Variants in USP13 observed in about 807,000 individuals in gnomAD.
USP13 encodes ubiquitin specific peptidase 13, also known as ubiquitin carboxyl-terminal hydrolase 13.
A neutral mutation model predicts 107.8 loss-of-function variants in USP13; 68 were observed. The ratio of observed to expected loss-of-function variants is 0.63; its 90% CI spans 0.52 to 0.77. The LOEUF (loss-of-function observed/expected upper bound fraction) is 0.77. Among genes scored for constraint, USP13 ranks in the 30% least tolerant of loss-of-function variants. The pLI, the probability that USP13 is intolerant of heterozygous loss-of-function variation, is 0.00. For synonymous variants in USP13, 377 were observed against 389.5 expected (o/e 0.97, Z 0.38); for missense variants, 945 against 1,093.3 (o/e 0.86, Z 1.91).
At chr3:179,735,287 A>AT (rs1713957197) in intron 10 of USP13, among the ~76,000 whole-genome samples, 1 of 152,220 alleles carries the variant, frequency 6.6e-6, no homozygotes, top group Admixed American at 6.5e-5. Flanking sequence ...TGTTGGGCCC[A>AT]TAGGGGACAC....
At chr3:179,656,282 A>AATCTG (rs753228768) in intron 1 of USP13, among the ~76,000 whole-genome samples, 20 of 152,236 alleles carry the variant, frequency 1.3e-4, no homozygotes, top group Non-Finnish European at 2.6e-4. Flanking sequence ...GGGGGCCTTG[A>AATCTG]ATCTGGAAAA....
rs372472325 is a variant in USP13 at position 179,684,110 on chromosome 3, G to T, written c.294+2107G>T. On this transcript the variant is annotated intron_variant, in intron 2 of 20. Transcript: ENST00000263966. ...TGAGTAGCTGGGACTACAGGTGCGCGCCACCATGCCCGGCTAACTTTTGTA... is the reference window on the plus strand; with the variant it reads ...TGAGTAGCTGGGACTACAGGTGCGCTCCACCATGCCCGGCTAACTTTTGTA... Among the ~76,000 whole-genome samples the T allele has an allele frequency of 1.4e-4, 22 of 151,768 alleles. No individual in the cohort carries two copies. The South Asian group carries it at 1.7e-3, about 11-fold the overall frequency.
intron 10 of USP13, among the ~76,000 whole-genome samples, chr3:179,733,633 A>G (rs1353371083): frequency 6.6e-6 from 1 of 152,226 alleles, no homozygotes; most frequent in African/African-American, 2.4e-5. Context: ...AGAGAGGGAA[A>G]GAAGATTCAC....
chr3:179,682,515 A>G (rs1711698515), intron 2 of USP13, among the ~76,000 whole-genome samples: 1 of 152,228 alleles, frequency 6.6e-6, no homozygotes, highest in Admixed American at 6.5e-5. Context: ...AATATATAGT[A>G]TAACTTTATA....
Position 179,708,802 on chromosome 3 carries a change from G to C in USP13, c.650G>C (p.Arg217Pro). 1.2e-6 allele frequency: 2 copies of C among 1,614,168 alleles called. No individual in the cohort carries two copies. The highest frequency in any genetic ancestry group is 1.7e-4 in the Middle Eastern group (1 of 6,060). Reference sequence around the variant, plus strand: ...TGGAAGTGTGCCAGATGCGACCTGCGAGAAAACCTCTGGTTGAATCTGACT... The same window carrying C: ...TGGAAGTGTGCCAGATGCGACCTGCCAGAAAACCTCTGGTTGAATCTGACT... ...SGWKCARCDL[R>P]ENLWLNLTDG... is the part of the protein sequence containing the mutation. Residue 217 changes from arginine to proline, a missense_variant, in exon 6 of 21, where the codon CGA (arginine) becomes CCA (proline). By Grantham distance (103) the Arg-to-Pro change is moderately radical. Transcript: ENST00000263966.
At chr3:179,755,089 T>G (rs527798699) in intron 15 of USP13, among the ~76,000 whole-genome samples, 2 of 152,248 alleles carry the variant, frequency 1.3e-5, no homozygotes, top group South Asian at 4.2e-4. Context: ...GGACAGTTTT[T>G]TTTTGTAGGC....
chr3:179,783,567 G>A (rs1057093988), intron 20 of USP13, among the ~76,000 whole-genome samples: 4 of 152,120 alleles, frequency 2.6e-5, no homozygotes, highest in African/African-American at 7.2e-5. Context: ...ACTGAAATAA[G>A]CATTGTTGTA....
At chr3:179,749,991 G>A (rs957150607) in intron 13 of USP13, among the ~76,000 whole-genome samples, 25 of 152,130 alleles carry the variant, frequency 1.6e-4, no homozygotes, top group African/African-American at 5.8e-4. Flanking sequence ...ATGGCCGGGT[G>A]CCGTGGCTCA....
intron 2 of USP13, among the ~76,000 whole-genome samples, chr3:179,688,234 C>CATCCATCCATCCATCT (rs780480797): frequency 0.13 from 19,126 of 145,596 alleles, 1,488 homozygotes; most frequent in African/African-American, 0.16. Flanking sequence ...TCCATCCATC[C>CATCCATCCATCCATCT]ATCCAACAAA....
At chr3:179,682,917 T>C (rs563241722) in intron 2 of USP13, among the ~76,000 whole-genome samples, 5 of 152,192 alleles carry the variant, frequency 3.3e-5, no homozygotes, top group African/African-American at 4.8e-5. Flanking sequence ...ATTGTACCTA[T>C]TTACACTCTG....
chr3:179,765,549 T>C, intron 18 of USP13, 146 bp from the exon 19 acceptor site: 1 of 882,972 alleles, frequency 1.1e-6, no homozygotes, highest in East Asian at 2.9e-5. Flanking sequence ...TCATGCGGAG[T>C]CAGAGCTTCT....
At chr3:179,763,443 T>C (rs1437698122) in intron 17 of USP13, among the ~76,000 whole-genome samples, 1 of 152,224 alleles carries the variant, frequency 6.6e-6, no homozygotes, top group Non-Finnish European at 1.5e-5. Flanking sequence ...GGATATCCAG[T>C]TGTCCCAGCA....
rs765394060 is a variant in USP13 at position 179,742,185 on chromosome 3, T to C, written c.1381-12T>C. 1.2e-6 allele frequency: 2 copies of C among 1,614,174 alleles called. No homozygotes were observed. The highest frequency in any genetic ancestry group is 4.5e-5 in the East Asian group (2 of 44,886). ...TCATACATTTACTAACCTGATACAA[T>C]CCATCCTTCAGAGGAACCGCATCGG... On this transcript the variant is annotated splice_polypyrimidine_tract_variant and intron_variant, in intron 11 of 20. Transcript: ENST00000263966. The surrounding 1 kb of genome is among the most constrained non-coding windows in gnomAD (Gnocchi z 5.0).
intron 4 of USP13, among the ~76,000 whole-genome samples, chr3:179,701,690 C>G (rs922063708): frequency 2.6e-5 from 4 of 152,196 alleles, no homozygotes; most frequent in Non-Finnish European, 5.9e-5. Context: ...CAGTTTTACT[C>G]CCTATGTGAA....
At chr3:179,715,218 AT>A (rs1713069121) in intron 6 of USP13, among the ~76,000 whole-genome samples, 1 of 140,706 alleles carries the variant, frequency 7.1e-6, no homozygotes, top group Non-Finnish European at 1.6e-5. Flanking sequence ...TTGAGACAGA[AT>A]CTCACTATGT....
In USP13 at chr3:179,702,802, C is replaced by T. The variant is rs577053737; in HGVS notation, c.477+1673C>T. ...TAAAATATATTAGTGGACAAAATGG[C>T]CTTACCTCATCCCATTACCTGAAAT... On this transcript the variant is annotated intron_variant, in intron 4 of 20. Transcript: ENST00000263966. Among the ~76,000 whole-genome samples, 6 of 152,278 alleles carry T rather than the reference C, an allele frequency of 3.9e-5. No homozygotes were observed. In the South Asian group the frequency reaches 1.0e-3, roughly 26 times the overall value.
intron 1 of USP13, among the ~76,000 whole-genome samples, chr3:179,670,673 C>A (rs1720722712): frequency 6.6e-6 from 1 of 151,050 alleles, no homozygotes; most frequent in African/African-American, 2.4e-5. Context: ...CGCAGTGGCT[C>A]ATGCCTGTAA....
chr3:179,778,238 T>C (rs1715614232), intron 19 of USP13, among the ~76,000 whole-genome samples: 1 of 152,202 alleles, frequency 6.6e-6, no homozygotes. Flanking sequence ...TACAAAAATA[T>C]ATACACTATA....
At chr3:179,717,628 A>G (rs1030332686) in intron 6 of USP13, among the ~76,000 whole-genome samples, 18 of 150,266 alleles carry the variant, frequency 1.2e-4, no homozygotes, top group African/African-American at 4.2e-4. Flanking sequence ...TATCTCCCTA[A>G]TTAATAACAA....
Sources: gnomAD v4.1 joint callset for allele counts (sites outside exome capture counted in the v4.1 genomes callset) on GRCh38, gnomAD v4.1.1 for gene constraint, Gnocchi (gnomAD v3.1) non-coding constraint, MANE v1.5 for transcripts, NCBI Gene and HGNC (gene_info 2026-07-23, HGNC 2026-07-21) for gene names.